The following COL25A1 variants were observed in gnomAD, a reference collection of about 807,000 sequenced individuals.
COL25A1 encodes collagen alpha-1(XXV) chain.
A neutral mutation model predicts 128.4 loss-of-function variants in COL25A1; 103 were observed. The observed-to-expected ratio is 0.80, with a 90% CI of 0.68 to 0.94. The LOEUF (loss-of-function observed/expected upper bound fraction) is 0.94, where lower values mean the gene tolerates loss of function less well. COL25A1 is among the 40% of genes least tolerant of loss of function. The pLI is 0.00. For synonymous variants in COL25A1, 279 were observed against 277.2 expected, an observed-to-expected ratio of 1.01 and a Z score of -0.06; for missense variants, 745 against 840.0, an observed-to-expected ratio of 0.89 and a Z score of 1.40.
At chr4:109,074,547 T>C (rs1001172873) in intron 3 of COL25A1, among the ~76,000 whole-genome samples, 3 of 152,202 alleles carry the variant, frequency 2.0e-5, no homozygotes, top group Non-Finnish European at 4.4e-5. Context: ...CTAATGTATA[T>C]AATCCAAAGA....
At chr4:108,831,687 G>GGGAGA (rs1553944379) in intron 32 of COL25A1, among the ~76,000 whole-genome samples, 3 of 144,194 alleles carry the variant, frequency 2.1e-5, no homozygotes, top group African/African-American at 7.8e-5. Context: ...AGAGAGAGGG[G>GGGAGA]GAGAGAGAGA....
At chr4:109,187,888 T>A (rs1775280036) in intron 3 of COL25A1, among the ~76,000 whole-genome samples, 1 of 152,170 alleles carries the variant, frequency 6.6e-6, no homozygotes, top group Non-Finnish European at 1.5e-5. Flanking sequence ...CCTTTCCTCA[T>A]TCTTCCTACT....
chr4:108,974,294 T>C, intron 8 of COL25A1, 73 bp downstream of exon 8: 1 of 1,498,804 alleles, frequency 6.7e-7, no homozygotes, highest in Non-Finnish European at 9.3e-7. Context: ...GTTATGAAGC[T>C]GGGGTACTTT....
intron 3 of COL25A1, among the ~76,000 whole-genome samples, chr4:109,139,119 C>T (rs745490550): frequency 6.6e-5 from 10 of 152,134 alleles, no homozygotes; most frequent in Non-Finnish European, 1.3e-4. Context: ...AAAAAGAAGA[C>T]ATTTGTCTTC....
intron 16 of COL25A1, among the ~76,000 whole-genome samples, chr4:108,890,604 CCTCT>C (rs1371004896): frequency 6.6e-6 from 1 of 152,076 alleles, no homozygotes; most frequent in African/African-American, 2.4e-5. Context: ...TCCTTCTAGC[CCTCT>C]CTGTCTCATG....
At chr4:109,039,789 T>C (rs1526135) in intron 5 of COL25A1, among the ~76,000 whole-genome samples, 76,468 of 152,072 alleles carry the variant, frequency 0.5, 21,258 homozygotes, top group African/African-American at 0.73. Flanking sequence ...ATATGCATTA[T>C]CTTTTAAATA....
rs79659587 is a variant in COL25A1 at position 109,199,202 on chromosome 4, T to C, written c.367+101381A>G. ...TAATTTTACTTATTAACACATTTCATTATTTCTGACTTTAATTTTAGAGTG... is the reference window on the plus strand; with the variant it reads ...TAATTTTACTTATTAACACATTTCACTATTTCTGACTTTAATTTTAGAGTG... On this transcript the variant is annotated intron_variant, in intron 3 of 37. Coordinates refer to ENST00000399132, the MANE Select transcript of COL25A1 (RefSeq NM_198721.4). Among the ~76,000 whole-genome samples the C allele has an allele frequency of 8.5e-3, 1,293 of 152,356 alleles. 58 individuals are homozygous for C. The South Asian group carries it at 0.14, about 16-fold the overall frequency.
At chr4:108,987,867 C>T (rs1413253175) in intron 6 of COL25A1, among the ~76,000 whole-genome samples, 2 of 152,212 alleles carry the variant, frequency 1.3e-5, no homozygotes, top group South Asian at 2.1e-4. Flanking sequence ...TCCATGATCT[C>T]GCTCCCCAAA....
At chr4:108,862,618 C>T (rs914697518) in intron 21 of COL25A1, 73 bp from the exon 22 acceptor site, 2 of 1,259,334 alleles carry the variant, frequency 1.6e-6, no homozygotes, top group Admixed American at 1.8e-5. Flanking sequence ...TAGAAATTAG[C>T]AGTGACTCAG....
chr4:109,020,757 T>C (rs1448655177), intron 5 of COL25A1, among the ~76,000 whole-genome samples: 1 of 152,234 alleles, frequency 6.6e-6, no homozygotes, highest in Admixed American at 6.5e-5. Flanking sequence ...ATTTTTGCTA[T>C]AAAAATTTCA....
intron 3 of COL25A1, among the ~76,000 whole-genome samples, chr4:109,103,415 T>G (rs1766106514): frequency 6.6e-6 from 1 of 152,188 alleles, no homozygotes; most frequent in East Asian, 1.9e-4. Context: ...CTGCACTATC[T>G]GTGTTAGTCA....
Position 109,214,870 on chromosome 4 carries a change from G to A in COL25A1, c.367+85713C>T, listed in dbSNP as rs182618824. Among the ~76,000 whole-genome samples the A allele has an allele frequency of 2.7e-3, 414 of 152,248 alleles. 3 individuals are homozygous for A. Among genetic ancestry groups the A allele is most frequent in the Middle Eastern group, 0.017 (5 of 294 alleles). Reference sequence around the variant, plus strand: ...TCACCATGGCTGGCATAGCGCTAACGAGACAGAGCTTGACAGGTTTCATTC... The same window carrying A: ...TCACCATGGCTGGCATAGCGCTAACAAGACAGAGCTTGACAGGTTTCATTC... On this transcript the variant is annotated intron_variant, in intron 3 of 37. Transcript: ENST00000399132.
intron 30 of COL25A1, among the ~76,000 whole-genome samples, chr4:108,842,061 C>T (rs1334596132): frequency 6.6e-6 from 1 of 152,134 alleles, no homozygotes; most frequent in Non-Finnish European, 1.5e-5. Flanking sequence ...TGAGATGCTT[C>T]ATGAGTTTAA....
At chr4:109,082,828 T>A (rs1763964849) in intron 3 of COL25A1, among the ~76,000 whole-genome samples, 1 of 152,314 alleles carries the variant, frequency 6.6e-6, no homozygotes, top group South Asian at 2.1e-4. Context: ...GGTAAACTAC[T>A]GGCATGGGGG....
intron 10 of COL25A1, among the ~76,000 whole-genome samples, chr4:108,939,841 T>G (rs1747872544): frequency 6.6e-6 from 1 of 152,186 alleles, no homozygotes; most frequent in African/African-American, 2.4e-5. Context: ...ATCAAACCAT[T>G]TATCTTCTGC....
intron 37 of COL25A1, among the ~76,000 whole-genome samples, chr4:108,815,990 G>C (rs951455804): frequency 6.6e-6 from 1 of 152,044 alleles, no homozygotes; most frequent in Admixed American, 6.6e-5. Context: ...TAGATTACAG[G>C]GCAAAGGTTA....
At chr4:108,850,690 T>C (rs181861071) in intron 26 of COL25A1, among the ~76,000 whole-genome samples, 65 of 152,268 alleles carry the variant, frequency 4.3e-4, no homozygotes, top group African/African-American at 1.5e-3. Flanking sequence ...CCTATCTCCC[T>C]CCCTAGGCCA....
chr4:108,903,439 T>C (rs1034063535), intron 13 of COL25A1, among the ~76,000 whole-genome samples: 1 of 152,058 alleles, frequency 6.6e-6, no homozygotes, highest in Non-Finnish European at 1.5e-5. Context: ...AACACTGTCT[T>C]GTGAATAGTT....
chr4:109,213,360 T>A (rs1777733854), intron 3 of COL25A1, among the ~76,000 whole-genome samples: 1 of 152,144 alleles, frequency 6.6e-6, no homozygotes, highest in Non-Finnish European at 1.5e-5. Flanking sequence ...TAAATCTTAG[T>A]GGGCTCTGCG....
Sources: gnomAD v4.1 joint callset for allele counts (sites outside exome capture counted in the v4.1 genomes callset) on GRCh38, gnomAD v4.1.1 for gene constraint, MANE v1.5 for transcripts, NCBI Gene and HGNC (gene_info 2026-07-23, HGNC 2026-07-21) for gene names.